SPATA21: variants seen among roughly 807,000 people sequenced by gnomAD.
SPATA21 encodes spermatogenesis associated 21.
A neutral mutation model predicts 54.8 loss-of-function variants in SPATA21; 47 were observed. The ratio of observed to expected loss-of-function variants is 0.86; its 90% CI spans 0.68 to 1.09. The LOEUF (loss-of-function observed/expected upper bound fraction) is 1.09, where lower values mean the gene tolerates loss of function less well. Ranked by LOEUF, SPATA21 falls within the 50% of genes least tolerant of loss-of-function variation. The pLI is 0.00. For missense variants in SPATA21, 599 were observed against 596.4 expected, an observed-to-expected ratio of 1.00 and a Z score of -0.05; for synonymous variants, 245 against 235.3, an observed-to-expected ratio of 1.04 and a Z score of -0.38.
At position 16,409,912 on chromosome 1, in the gene SPATA21, C is replaced by T. The variant is rs145844310; in HGVS notation, c.276G>A (p.Val92=). 329 of 1,613,896 alleles carry T rather than the reference C, an allele frequency of 2.0e-4. 1 individual carries two copies. In the African/African-American group the frequency reaches 4.0e-3, roughly 20 times the overall value. The change falls in exon 6 of 13, where the codon GTG becomes GTA. Residue 92 remains valine (V), a synonymous_variant. Coordinates refer to ENST00000335496, the MANE Select transcript of SPATA21 (RefSeq NM_198546.1). This position sits in a 1 kb window ranked among gnomAD's most constrained non-coding sequence, Gnocchi z 4.1. ...RQGFMKCLLE[V]EKMEASHRRA... ...TCCGATGGGAGGCCTCCATTTTCTCCACCTCCAGCAAGCACTTCATGAAGC... is the reference window on the plus strand; with the variant it reads ...TCCGATGGGAGGCCTCCATTTTCTCTACCTCCAGCAAGCACTTCATGAAGC...
intron 5 of SPATA21, among the ~76,000 whole-genome samples, chr1:16,418,014 C>T (rs575552814): frequency 6.6e-6 from 1 of 152,350 alleles, no homozygotes; most frequent in South Asian, 2.1e-4. Context: ...TCCAGGACCT[C>T]TCATCTCTTG....
intron 5 of SPATA21, among the ~76,000 whole-genome samples, chr1:16,415,511 G>A (rs2085976934): frequency 6.6e-6 from 1 of 152,180 alleles, no homozygotes; most frequent in African/African-American, 2.4e-5. Flanking sequence ...TACAGACTCT[G>A]AGCCCCAAGG....
chr1:16,403,483 C>CTTTTTTTTTTTTTTTTTTTTTTT lies in SPATA21; in HGVS notation c.1001+243_1001+244insAAAAAAAAAAAAAAAAAAAAAAA, dbSNP rs1229942098. Among the ~76,000 whole-genome samples, 2 of 117,118 alleles carry CTTTTTTTTTTTTTTTTTTTTTTT rather than the reference C, an allele frequency of 1.7e-5. 1 individual carries two copies. The highest frequency in any genetic ancestry group is 5.8e-5 in the African/African-American group (2 of 34,310). 76.8% of individuals were successfully genotyped at this position (117,118 alleles called of 152,430 possible). On this transcript the variant is annotated intron_variant, in intron 10 of 12. Transcript: ENST00000335496. ...AAGCTAGTTTTATTCTAGTTTTTTT[C>CTTTTTTTTTTTTTTTTTTTTTTT]TTTTTTTTCTTTTTTTTTTTTTTGA... is the stretch of plus-strand genomic sequence containing the variant.
chr1:16,404,517 T>C (rs1201440954), intron 8 of SPATA21, among the ~76,000 whole-genome samples: 1 of 151,582 alleles, frequency 6.6e-6, no homozygotes, highest in Admixed American at 6.6e-5. Flanking sequence ...AAAGAAAAAT[T>C]GTTAAGAATT....
chr1:16,434,884 G>T (rs925091760), intron 1 of SPATA21, among the ~76,000 whole-genome samples: 2 of 151,906 alleles, frequency 1.3e-5, no homozygotes, highest in African/African-American at 4.8e-5. Context: ...TTGAGACAGG[G>T]TCTTCCTTTA....
intron 7 of SPATA21, among the ~76,000 whole-genome samples, chr1:16,407,515 A>T (rs1267509142): frequency 6.6e-6 from 1 of 152,104 alleles, no homozygotes; most frequent in Non-Finnish European, 1.5e-5. Context: ...GCTGGAGTGC[A>T]GTAGCGCGAT....
chr1:16,427,852 C>T, intron 3 of SPATA21: 1 of 1,543,090 alleles, frequency 6.5e-7, no homozygotes, highest in South Asian at 1.2e-5. Context: ...TCTCGAGAGC[C>T]CCTCAGCTCA....
At chr1:16,418,695 G>A (rs2086086069) in intron 5 of SPATA21, among the ~76,000 whole-genome samples, 1 of 151,878 alleles carries the variant, frequency 6.6e-6, no homozygotes. Context: ...AGCCTCCAAA[G>A]TAGCTGGGAC....
chr1:16,404,881 G>A (rs984356323), intron 8 of SPATA21, 86 bp downstream of exon 8: 14 of 1,391,226 alleles, frequency 1.0e-5, no homozygotes, highest in Non-Finnish European at 1.3e-5. Flanking sequence ...GATCCTTTAG[G>A]TGCAGAGCCT....
At chr1:16,408,910 C>A (rs993692829) in intron 7 of SPATA21, among the ~76,000 whole-genome samples, 1 of 151,670 alleles carries the variant, frequency 6.6e-6, no homozygotes, top group African/African-American at 2.4e-5. Context: ...GAGTTCTGGC[C>A]CCCCCAACCC....
intron 3 of SPATA21, 188 bp downstream of exon 3, chr1:16,431,148 CTT>C: frequency 7.3e-7 from 1 of 1,378,348 alleles, no homozygotes; most frequent in South Asian, 1.5e-5. Flanking sequence ...TTAACAGAGT[CTT>C]AATTAAAGCA....
In SPATA21 at chr1:16,421,784, C is replaced by A; in HGVS notation, c.95+127G>T. ...CACAGATGGGGAAATTGAGACCCAG[C>A]GGAGCATGACTTGCCCAAGGTCCTC... On this transcript the variant is annotated intron_variant, in intron 4 of 12. Coordinates refer to ENST00000335496, the MANE Select transcript of SPATA21 (RefSeq NM_198546.1). The surrounding 1 kb of genome is among the most constrained non-coding windows in gnomAD (Gnocchi z 5.2). 11 of 1,413,400 alleles carry A rather than the reference C, an allele frequency of 7.8e-6. 1 individual carries two copies. The highest frequency in any genetic ancestry group is 5.3e-5 in the Admixed American group (3 of 56,742). 87.6% of individuals were successfully genotyped at this position (1,413,400 alleles called of 1,614,324 possible).
At chr1:16,436,850 T>C (rs1014029667) in intron 1 of SPATA21, among the ~76,000 whole-genome samples, 2 of 150,668 alleles carry the variant, frequency 1.3e-5, no homozygotes, top group African/African-American at 4.9e-5. Context: ...TGTACCCCAA[T>C]AACCTATGGA....
At chr1:16,416,826 T>C (rs530101407) in intron 5 of SPATA21, among the ~76,000 whole-genome samples, 1 of 152,260 alleles carries the variant, frequency 6.6e-6, no homozygotes, top group African/African-American at 2.4e-5. Context: ...CATGTCACCT[T>C]GATGTATAAA....
intron 5 of SPATA21, among the ~76,000 whole-genome samples, chr1:16,419,407 G>A (rs1204428953): frequency 1.3e-5 from 2 of 152,120 alleles, no homozygotes; most frequent in Admixed American, 6.6e-5. Flanking sequence ...AGGAAGGGAC[G>A]GATTCAGGAT....
chr1:16,426,580 T>TA (rs1553166390), intron 3 of SPATA21, among the ~76,000 whole-genome samples: 10,658 of 75,202 alleles, frequency 0.14, 330 homozygotes, highest in African/African-American at 0.17. Context: ...TATATATATA[T>TA]TTTTTTTTTT....
chr1:16,425,595 C>T (rs2086297970), intron 3 of SPATA21: 2 of 1,550,106 alleles, frequency 1.3e-6, no homozygotes, highest in South Asian at 1.2e-5. Flanking sequence ...CCCTTGATCT[C>T]CTTTCCGGAG....
At chr1:16,408,828 C>T (rs1378423480) in intron 7 of SPATA21, 2 of 275,438 alleles carry the variant, frequency 7.3e-6, no homozygotes, top group Non-Finnish European at 1.4e-5. Flanking sequence ...TGAGATCGCA[C>T]CACTGCACTC....
chr1:16,431,508 C>A, intron 2 of SPATA21, 86 bp from the exon 3 acceptor site: 3 of 1,322,840 alleles, frequency 2.3e-6, no homozygotes, highest in Non-Finnish European at 3.1e-6. Context: ...ATAATGTAGA[C>A]AGCCTGGCTC....
Sources: gnomAD v4.1 joint callset for allele counts (sites outside exome capture counted in the v4.1 genomes callset) on GRCh38, gnomAD v4.1.1 for gene constraint, Gnocchi (gnomAD v3.1) non-coding constraint, MANE v1.5 for transcripts, NCBI Gene and HGNC (gene_info 2026-07-23, HGNC 2026-07-21) for gene names.